FAM193B: variants seen among roughly 807,000 people sequenced by gnomAD.
FAM193B encodes family with sequence similarity 193 member B, also known as protein FAM193B.
Under a neutral mutation model 70.7 loss-of-function variants are expected in FAM193B, and 27 were observed. The ratio of observed to expected loss-of-function variants is 0.38; its 90% CI spans 0.28 to 0.53. The LOEUF (loss-of-function observed/expected upper bound fraction) is 0.53, where lower values mean the gene tolerates loss of function less well. Ranked by LOEUF, FAM193B falls within the 20% of genes least tolerant of loss-of-function variation. The pLI, the probability that FAM193B is intolerant of heterozygous loss-of-function variation, is 0.81. For synonymous variants in FAM193B, 448 were observed against 436.0 expected, an observed-to-expected ratio of 1.03 and a Z score of -0.34; for missense variants, 1,022 against 1,072.5, an observed-to-expected ratio of 0.95 and a Z score of 0.66.
At chr5:177,545,171 G>C (rs1259258761) in intron 1 of FAM193B, among the ~76,000 whole-genome samples, 1 of 152,048 alleles carries the variant, frequency 6.6e-6, no homozygotes, top group East Asian at 1.9e-4. Context: ...AGCCTCCCAA[G>C]TGGCTAGGAT....
intron 1 of FAM193B, among the ~76,000 whole-genome samples, chr5:177,546,481 T>C (rs183319755): frequency 6.6e-6 from 1 of 152,256 alleles, no homozygotes; most frequent in Non-Finnish European, 1.5e-5. Context: ...ATGTCTCAGC[T>C]GTTCAACACA....
intron 1 of FAM193B, among the ~76,000 whole-genome samples, chr5:177,541,453 C>G (rs1764844587): frequency 6.6e-6 from 1 of 152,158 alleles, no homozygotes; most frequent in Non-Finnish European, 1.5e-5. Context: ...GAGTCTCGCT[C>G]TGTCGCCCAG....
At chr5:177,533,666 T>C (rs1343479400) in intron 4 of FAM193B, among the ~76,000 whole-genome samples, 1 of 152,188 alleles carries the variant, frequency 6.6e-6, no homozygotes, top group African/African-American at 2.4e-5. Context: ...TATCCCCACT[T>C]TGCAGTGGTA....
chr5:177,542,280 C>A lies in FAM193B; in HGVS notation c.211-3133G>T, dbSNP rs1442128391. Among the ~76,000 whole-genome samples the A allele has an allele frequency of 3.4e-4, 51 of 152,212 alleles. 2 individuals carry two copies. Among genetic ancestry groups the A allele is most frequent in the Non-Finnish European group, 2.9e-5 (2 of 68,038 alleles). On this transcript the variant is annotated intron_variant, in intron 1 of 8. Coordinates refer to ENST00000514747, the MANE Select transcript of FAM193B (RefSeq NM_001190946.3). ...CATTAATCCTGGCCTCTATCACTTA[C>A]CAGCTGTAAGATGCTGGGCTAGTTC...
Position 177,554,423 on chromosome 5 carries a change from C to T in FAM193B, c.36G>A (p.Ala12=). ...TRRRSRPSGG[A]GRRERARAAG... is the part of the protein sequence containing the mutation. Reference sequence around the variant, plus strand: ...CGGCCCGAGCCCGCTCGCGCCTGCCCGCACCGCCGCTCGGCCTGCTCCGCC... The same window carrying T: ...CGGCCCGAGCCCGCTCGCGCCTGCCTGCACCGCCGCTCGGCCTGCTCCGCC... Residue 12 remains alanine (A), a synonymous_variant, in exon 1 of 9, where the codon GCG becomes GCA. Coordinates refer to ENST00000514747, the MANE Select transcript of FAM193B (RefSeq NM_001190946.3). 1 of 1,094,800 alleles carries T rather than the reference C, an allele frequency of 9.1e-7. No homozygotes were observed. Among genetic ancestry groups the T allele is most frequent in the Admixed American group, 5.2e-5 (1 of 19,288 alleles). The allele number at this position is 1,094,800 out of a possible 1,614,324, so 67.8% of individuals were successfully genotyped here.
At position 177,537,962 on chromosome 5, in the gene FAM193B, G is replaced by A. The variant is rs374608990; in HGVS notation, c.599C>T (p.Ser200Leu). ...SGDWDPSSFLSAHKLSGLWNS... is the reference protein window; with the variant it reads ...SGDWDPSSFLLAHKLSGLWNS... Reference sequence around the variant, plus strand: ...CCAGAGGCCCGAGAGCTTATGTGCCGACAGGAACGAGCTAGGATCCCAGTC... The same window carrying A: ...CCAGAGGCCCGAGAGCTTATGTGCCAACAGGAACGAGCTAGGATCCCAGTC... The change falls in exon 3 of 9, where the codon TCG becomes TTG. Residue 200 changes from serine to leucine, a missense_variant. Transcript: ENST00000514747. The A allele has an allele frequency of 9.6e-6, 15 of 1,567,516 alleles. No homozygotes were observed. The highest frequency in any genetic ancestry group is 4.7e-5 in the South Asian group (4 of 85,048).
Position 177,524,697 on chromosome 5 carries a change from C to T in FAM193B, c.1784G>A (p.Arg595Gln), listed in dbSNP as rs374096273. Residue 595 changes from arginine (R) to glutamine (Q), a missense_variant, in exon 6 of 9, where the codon CGG becomes CAG. Coordinates refer to ENST00000514747, the MANE Select transcript of FAM193B (RefSeq NM_001190946.3). ...CTTGGGTGTCTTGACCCAGATCACCCGGGATAGGTTGGGCACGGTGTTGAG... is the reference window on the plus strand; with the variant it reads ...CTTGGGTGTCTTGACCCAGATCACCTGGGATAGGTTGGGCACGGTGTTGAG... ...RRLNTVPNLS[R>Q]VIWVKTPKPG... is the part of the protein sequence containing the mutation. 124 of 1,600,600 alleles carry T rather than the reference C, an allele frequency of 7.7e-5. No individual in the cohort carries two copies. Among genetic ancestry groups the T allele is most frequent in the Non-Finnish European group, 9.9e-5 (116 of 1,174,440 alleles).
At position 177,524,477 on chromosome 5, in the gene FAM193B, G is replaced by C. The variant is rs758921687; in HGVS notation, c.2004C>G (p.Val668=). Residue 668 remains valine, a synonymous_variant, in exon 6 of 9, where the codon GTC becomes GTG. Coordinates refer to ENST00000514747, the MANE Select transcript of FAM193B (RefSeq NM_001190946.3). The part of the protein sequence containing the change: ...SLEVPSAKGQ[V]AGPKQPGRVL... ...CCCTGCCTGGCTGCTTGGGGCCAGC[G>C]ACCTGGCCCTTGGCACTGGGAACCT... 6.2e-7 allele frequency: 1 copy of C among 1,612,326 alleles called. No individual in the cohort carries two copies. The highest frequency in any genetic ancestry group is 2.2e-5 in the East Asian group (1 of 44,862).
chr5:177,535,234 GCGGT>G (rs2127468699), intron 4 of FAM193B, among the ~76,000 whole-genome samples: 1 of 152,356 alleles, frequency 6.6e-6, no homozygotes, highest in South Asian at 2.1e-4. Context: ...AACATGAATT[GCGGT>G]CGATGTTCTC....
In FAM193B at chr5:177,553,825, G is replaced by GT. The variant is rs1342508251; in HGVS notation, c.210+423dup. The GT allele has an allele frequency of 2.3e-6, 3 of 1,283,568 alleles. No homozygotes were observed. The African/African-American group carries it at 4.6e-5, about 20-fold the overall frequency. 79.5% of individuals were successfully genotyped at this position (1,283,568 alleles called of 1,614,324 possible). On this transcript the variant is annotated intron_variant, in intron 1 of 8. Coordinates refer to ENST00000514747, the MANE Select transcript of FAM193B (RefSeq NM_001190946.3). ...GCGCTGCAGGGGACGGAGTGGAGCCGTTCCCGGGGGCAGAGGGAAGAGGCT... is the reference window on the plus strand; with the variant it reads ...GCGCTGCAGGGGACGGAGTGGAGCCGTTTCCCGGGGGCAGAGGGAAGAGGCT...
chr5:177,527,217 G>A (rs977409784), intron 5 of FAM193B, among the ~76,000 whole-genome samples: 6 of 152,224 alleles, frequency 3.9e-5, no homozygotes, highest in Non-Finnish European at 8.8e-5. Context: ...ATCATTCAGA[G>A]GTATAGCTGT....
At chr5:177,523,637 A>G (rs1762112697) in intron 7 of FAM193B, among the ~76,000 whole-genome samples, 1 of 152,244 alleles carries the variant, frequency 6.6e-6, no homozygotes, top group Non-Finnish European at 1.5e-5. Context: ...AGACTGCTTC[A>G]TTGACCTCAG....
chr5:177,523,790 T>C (rs1762135646), intron 7 of FAM193B, among the ~76,000 whole-genome samples, 167 bp downstream of exon 7: 1 of 152,260 alleles, frequency 6.6e-6, no homozygotes, highest in Non-Finnish European at 1.5e-5. Context: ...TCCGTGGGTT[T>C]TCAGCAGGCA....
rs765606770 is a variant in FAM193B, at chr5:177,539,004, G to A, written c.354C>T (p.Val118=). The part of the protein sequence containing the change: ...KLPPDFMPKL[V]KNLLGEMPLW... ...GAGGCATCTCGCCTAGGAGATTCTT[G>A]ACGAGCTTTGGCATGAAGTCAGGGG... The change falls in exon 2 of 9, where the codon GTC becomes GTT. Residue 118 remains valine, a synonymous_variant. Transcript: ENST00000514747. 1 of 1,614,054 alleles carries A rather than the reference G, an allele frequency of 6.2e-7. No individual in the cohort carries two copies. The highest frequency in any genetic ancestry group is 8.5e-7 in the Non-Finnish European group (1 of 1,179,902).
In FAM193B at chr5:177,554,378, C is replaced by T. The variant is rs1766770479; in HGVS notation, c.81G>A (p.Gln27=). 8.3e-7 allele frequency: 1 copy of T among 1,200,138 alleles called. No homozygotes were observed. The highest frequency in any genetic ancestry group is 1.6e-5 in the African/African-American group (1 of 62,790). The allele number at this position is 1,200,138 out of a possible 1,614,324, so 74.3% of individuals were successfully genotyped here. ...RARAAGPQKP[Q]APEPPPPPSL... ...TTGGCGGCGGCGGGGGCTCGGGCGC[C>T]TGGGGCTTCTGCGGCCCCGCGGCCC... The change falls in exon 1 of 9, where the codon CAG becomes CAA. Residue 27 remains glutamine, a synonymous_variant. Coordinates refer to ENST00000514747, the MANE Select transcript of FAM193B (RefSeq NM_001190946.3).
rs571735032 is a variant in FAM193B at position 177,521,911 on chromosome 5, C to T, written c.*1+63G>A. The T allele has an allele frequency of 2.8e-5, 36 of 1,281,228 alleles. No homozygotes were observed. In the African/African-American group the frequency reaches 3.5e-4, roughly 12 times the overall value. 79.4% of individuals were successfully genotyped at this position (1,281,228 alleles called of 1,614,324 possible). On this transcript the variant is annotated intron_variant, in intron 8 of 8. Transcript: ENST00000514747. ...CCAGAGCACAGAATGGTCTGGTGAG[C>T]GTACAGAGAGGGTGGCCAAGCACAG...
Position 177,532,234 on chromosome 5 carries a change from TGAG to T in FAM193B, c.1275+206_1275+208del. The T allele has an allele frequency of 6.7e-7, 1 of 1,502,198 alleles. No homozygotes were observed. Among genetic ancestry groups the T allele is most frequent in the South Asian group, 1.3e-5 (1 of 79,016 alleles). 93.1% of individuals were successfully genotyped at this position (1,502,198 alleles called of 1,614,324 possible). ...AAAAAGTCAATCTTAAGAGAAACCATGAGAAGAGCAAAGGTAGCAAAATGTTTA... is the reference window on the plus strand; with the variant it reads ...AAAAAGTCAATCTTAAGAGAAACCATAAGAGCAAAGGTAGCAAAATGTTTA... On this transcript the variant is annotated intron_variant, in intron 5 of 8. Transcript: ENST00000514747. The surrounding 1 kb of genome is among the most constrained non-coding windows in gnomAD (Gnocchi z 4.9).
chr5:177,536,429 C>G lies in FAM193B; in HGVS notation c.1005G>C (p.Gly335=). The change falls in exon 4 of 9, where the codon GGG becomes GGC. Residue 335 remains glycine, a synonymous_variant. Coordinates refer to ENST00000514747, the MANE Select transcript of FAM193B (RefSeq NM_001190946.3). ...PFSGCSHPCS[G]HCGGHCSGPL... is the part of the protein sequence containing the mutation. ...GCCCACTGCAGTGCCCACCACAGTG[C>G]CCGCTGCAGGGGTGGCTGCACCCCG... 6.2e-7 allele frequency: 1 copy of G among 1,601,794 alleles called. No individual in the cohort carries two copies. The highest frequency in any genetic ancestry group is 8.5e-7 in the Non-Finnish European group (1 of 1,176,178).
chr5:177,527,355 G>A (rs898074278), intron 5 of FAM193B, among the ~76,000 whole-genome samples: 1 of 152,238 alleles, frequency 6.6e-6, no homozygotes, highest in African/African-American at 2.4e-5. Context: ...TACAGTGTTT[G>A]TGCCCGAGGG....
Sources: allele counts gnomAD v4.1 joint callset (sites outside exome capture counted in the v4.1 genomes callset), GRCh38; gene constraint gnomAD v4.1.1; non-coding constraint Gnocchi (gnomAD v3.1); transcripts MANE v1.5; gene names NCBI Gene and HGNC (gene_info 2026-07-23, HGNC 2026-07-21).